FAM3B: variants seen among roughly 807,000 people sequenced by gnomAD.
FAM3B encodes FAM3 metabolism regulating signaling molecule B, also known as protein FAM3B.
In FAM3B, 29 loss-of-function variants were observed where a neutral mutation model predicts 28.4. The ratio of observed to expected loss-of-function variants is 1.02; its 90% CI spans 0.76 to 1.39. FAM3B has a LOEUF of 1.39. FAM3B is among the 40% of genes most tolerant of loss of function. The pLI is 0.00. For synonymous variants in FAM3B, 91 were observed against 103.0 expected (o/e 0.88, Z 0.71); for missense variants, 266 against 293.9 (o/e 0.91, Z 0.69).
At chr21:41,354,572 T>C (rs969620205) in intron 7 of FAM3B, among the ~76,000 whole-genome samples, 1 of 152,120 alleles carries the variant, frequency 6.6e-6, no homozygotes, top group East Asian at 1.9e-4. Context: ...AGCAAACTAA[T>C]GCAGGAACAG....
At chr21:41,310,483 T>C (rs757058961) in intron 1 of FAM3B, among the ~76,000 whole-genome samples, 1 of 152,216 alleles carries the variant, frequency 6.6e-6, no homozygotes, top group Non-Finnish European at 1.5e-5. Flanking sequence ...TTTTGTGCAC[T>C]GATGCATCTC....
intron 1 of FAM3B, chr21:41,319,826 C>T (rs529257576): frequency 3.3e-5 from 5 of 152,356 alleles, no homozygotes; most frequent in African/African-American, 1.2e-4. Context: ...TGCCAACCCC[C>T]CAACCCCATT....
intron 2 of FAM3B, among the ~76,000 whole-genome samples, chr21:41,331,401 G>A (rs1235344334): frequency 6.6e-6 from 1 of 152,068 alleles, no homozygotes; most frequent in African/African-American, 2.4e-5. Flanking sequence ...TCTTCACTCC[G>A]CTGATTGTTT....
At chr21:41,315,618 G>A (rs949485289), upstream of FAM3B, among the ~76,000 whole-genome samples, 1 of 152,082 alleles carries the variant, frequency 6.6e-6, no homozygotes, top group Non-Finnish European at 1.5e-5. Flanking sequence ...AGACTCAAAC[G>A]GGCCGTGCTC....
At position 41,316,891 on chromosome 21, in the gene FAM3B, G is replaced by T; in HGVS notation, c.12G>T (p.Leu4Phe). The change falls in exon 1 of 8, where the codon TTG (leucine) becomes TTT (phenylalanine). Residue 4 changes from leucine (L) to phenylalanine (F), a missense_variant. Coordinates refer to ENST00000357985, the MANE Select transcript of FAM3B (RefSeq NM_058186.4). MRPLAGGLLKVVFV... is the reference protein window; with the variant it reads MRPFAGGLLKVVFV... ...GCGGCACCTGGAAGATGCGCCCATTGGCTGGTGGTGAGTGCGCCCCCGCCT... is the reference window on the plus strand; with the variant it reads ...GCGGCACCTGGAAGATGCGCCCATTTGCTGGTGGTGAGTGCGCCCCCGCCT... The T allele has an allele frequency of 7.9e-6, 11 of 1,392,260 alleles. No homozygotes were observed. The highest frequency in any genetic ancestry group is 1.0e-5 in the Non-Finnish European group (11 of 1,074,042). The allele number at this position is 1,392,260 out of a possible 1,614,324, so 86.2% of individuals were successfully genotyped here. A position where few individuals can be genotyped will look rare whatever the true frequency, so the allele number is the denominator to read the frequency against.
chr21:41,321,505 C>T (rs1287349209), intron 1 of FAM3B, among the ~76,000 whole-genome samples: 1 of 152,206 alleles, frequency 6.6e-6, no homozygotes, highest in Non-Finnish European at 1.5e-5. Context: ...AGATGACCTT[C>T]CAGTCCTGAA....
At chr21:41,307,179 A>G (rs2088687163) in intron 1 of FAM3B, among the ~76,000 whole-genome samples, 1 of 152,334 alleles carries the variant, frequency 6.6e-6, no homozygotes, top group East Asian at 1.9e-4. Flanking sequence ...CTGCATCAGC[A>G]CTTGCTGCCT....
chr21:41,338,434 T>A lies in FAM3B; in HGVS notation c.220T>A (p.Tyr74Asn). 6.2e-7 allele frequency: 1 copy of A among 1,614,186 alleles called. No individual in the cohort carries two copies. Among genetic ancestry groups the A allele is most frequent in the Non-Finnish European group, 8.5e-7 (1 of 1,180,028 alleles). The change falls in exon 3 of 8, where the codon TAT becomes AAT. Residue 74 changes from tyrosine (Y) to asparagine (N), a missense_variant. Physicochemically the swap from Tyr to Asn is moderately radical, Grantham distance 143. Coordinates refer to ENST00000357985, the MANE Select transcript of FAM3B (RefSeq NM_058186.4). ...CTGGACTCCCTGCCCATCTGACACC[T>A]ATGCCTACAGGTTACTCAGCGGAGG... ...DHWTPCPSDT[Y>N]AYRLLSGGGR...
At chr21:41,312,838 A>G (rs1475924272), upstream of FAM3B, among the ~76,000 whole-genome samples, 1 of 152,102 alleles carries the variant, frequency 6.6e-6, no homozygotes. Flanking sequence ...CCAGCCTCTC[A>G]GGAGCTGAGG....
At chr21:41,337,718 T>A (rs1306881677) in intron 2 of FAM3B, among the ~76,000 whole-genome samples, 1 of 151,570 alleles carries the variant, frequency 6.6e-6, no homozygotes, top group Non-Finnish European at 1.5e-5. Context: ...GTCTATATGG[T>A]ATGGTGTGCA....
Position 41,333,128 on chromosome 21 carries a change from C to G in FAM3B, c.164-5250C>G, listed in dbSNP as rs1281332554. Among the ~76,000 whole-genome samples the G allele has an allele frequency of 2.4e-5, 3 of 126,182 alleles. No individual in the cohort carries two copies. The East Asian group carries it at 6.8e-4, about 29-fold the overall frequency. 82.8% of individuals were successfully genotyped at this position (126,182 alleles called of 152,430 possible). On this transcript the variant is annotated intron_variant, in intron 2 of 7. Coordinates refer to ENST00000357985, the MANE Select transcript of FAM3B (RefSeq NM_058186.4). The stretch of plus-strand genomic sequence containing the variant: ...TCGTAAGTTTTGATATGTTGTGTTT[C>G]TGGTTTTTTTTTTTTTGTCTCAAGA...
chr21:41,313,917 C>T (rs1362291701), upstream of FAM3B, among the ~76,000 whole-genome samples: 1 of 152,180 alleles, frequency 6.6e-6, no homozygotes, highest in East Asian at 1.9e-4. Flanking sequence ...GCTATAATCA[C>T]ATGTGGATAC....
At chr21:41,312,713 G>A (rs1344308489), upstream of FAM3B, among the ~76,000 whole-genome samples, 1 of 141,466 alleles carries the variant, frequency 7.1e-6, no homozygotes, top group Non-Finnish European at 1.5e-5. Context: ...GTCTCACTGT[G>A]TGTGTGAGAG....
intron 1 of FAM3B, among the ~76,000 whole-genome samples, chr21:41,310,969 TGTTA>T (rs1205270408): frequency 6.6e-6 from 1 of 152,012 alleles, no homozygotes; most frequent in East Asian, 1.9e-4. Context: ...GTTCCAAATC[TGTTA>T]GTTTGGTGAG....
chr21:41,338,938 A>G (rs998379662), intron 3 of FAM3B, among the ~76,000 whole-genome samples: 2 of 152,196 alleles, frequency 1.3e-5, no homozygotes, highest in Non-Finnish European at 2.9e-5. Flanking sequence ...CTACTTTAAA[A>G]AGCGAAGTTA....
upstream of FAM3B, among the ~76,000 whole-genome samples, chr21:41,313,797 A>ATTT (rs1262997514): frequency 3.0e-5 from 4 of 132,900 alleles, no homozygotes; most frequent in Non-Finnish European, 6.4e-5. Flanking sequence ...TCAGTGGGGC[A>ATTT]TTTTTGTTGT....
At position 41,311,252 on chromosome 21, in the gene FAM3B, ATATATATATATATATATATATATAT is replaced by A. The variant is rs1406443317; in HGVS notation, n.99+6943_99+6967del. Among the ~76,000 whole-genome samples the A allele has an allele frequency of 1.2e-3, 26 of 21,548 alleles. 3 individuals are homozygous for A. Among genetic ancestry groups the A allele is most frequent in the South Asian group, 4.7e-3 (2 of 422 alleles). 14.1% of individuals were successfully genotyped at this position (21,548 alleles called of 152,430 possible). Reference sequence around the variant, plus strand: ...CTGTCTCTACAAAAAAAAAAAAAAAATATATATATATATATATATATATATATATATATATATATATATATGTATA... The same window carrying A: ...CTGTCTCTACAAAAAAAAAAAAAAAAATATATATATATATATATATGTATA... On this transcript the variant is annotated intron_variant and non_coding_transcript_variant, in intron 1 of 9. Coordinates refer to the FAM3B transcript ENST00000479810.
At chr21:41,345,837 A>G (rs1305876821) in intron 5 of FAM3B, 101 bp downstream of exon 5, 1 of 763,572 alleles carries the variant, frequency 1.3e-6, no homozygotes, top group Non-Finnish European at 2.3e-6. Flanking sequence ...TTTGTCTACT[A>G]GAAAAACGCC....
intron 5 of FAM3B, 132 bp downstream of exon 5, chr21:41,345,868 T>A (rs2089054109): frequency 1.5e-6 from 1 of 668,022 alleles, no homozygotes; most frequent in Non-Finnish European, 2.7e-6. Context: ...CTGAGTAATC[T>A]AGAGTGGTCT....
Sources: allele counts gnomAD v4.1 joint callset (sites outside exome capture counted in the v4.1 genomes callset), GRCh38; gene constraint gnomAD v4.1.1; transcripts MANE v1.5; gene names NCBI Gene and HGNC (gene_info 2026-07-23, HGNC 2026-07-21).